NALF1: variants seen among roughly 807,000 people sequenced by gnomAD.
NALF1 encodes the protein NALCN channel auxiliary factor 1.
In NALF1, 3 loss-of-function variants were observed where a neutral mutation model predicts 48.4. The observed-to-expected ratio is 0.06, with a 90% CI of 0.03 to 0.16. The LOEUF is 0.16. NALF1 is among the 10% of genes least tolerant of loss of function. The pLI, the probability that NALF1 is intolerant of heterozygous loss-of-function variation, is 1.00. For synonymous variants in NALF1, 262 were observed against 245.7 expected, an observed-to-expected ratio of 1.07 and a Z score of -0.62; for missense variants, 526 against 571.5, an observed-to-expected ratio of 0.92 and a Z score of 0.81.
At chr13:107,318,726 A>G (rs1882197467) in intron 1 of NALF1, among the ~76,000 whole-genome samples, 1 of 152,096 alleles carries the variant, frequency 6.6e-6, no homozygotes, top group Non-Finnish European at 1.5e-5. Flanking sequence ...ATGTTCTTGT[A>G]CATGTAGGCA....
At chr13:107,782,218 T>A (rs1176791271) in intron 1 of NALF1, among the ~76,000 whole-genome samples, 6 of 152,178 alleles carry the variant, frequency 3.9e-5, no homozygotes, top group Non-Finnish European at 7.3e-5. Context: ...CACGCCTGAC[T>A]GGTTTTCGTA....
intron 1 of NALF1, among the ~76,000 whole-genome samples, chr13:107,655,884 A>G (rs766073695): frequency 6.6e-6 from 1 of 152,164 alleles, no homozygotes; most frequent in Non-Finnish European, 1.5e-5. Flanking sequence ...ATCTTCCACA[A>G]AGCAAACAAA....
chr13:107,686,227 G>A (rs2138500377), intron 1 of NALF1, among the ~76,000 whole-genome samples: 1 of 152,256 alleles, frequency 6.6e-6, no homozygotes, highest in Non-Finnish European at 1.5e-5. Context: ...GACAGCAAGT[G>A]GGTGACAGGT....
At chr13:107,860,497 G>A (rs1193173301) in intron 1 of NALF1, among the ~76,000 whole-genome samples, 1 of 152,148 alleles carries the variant, frequency 6.6e-6, no homozygotes, top group Admixed American at 6.5e-5. Flanking sequence ...CCGGCAGGAC[G>A]ATAAAATCAG....
intron 1 of NALF1, among the ~76,000 whole-genome samples, chr13:107,467,916 C>T (rs1389761217): frequency 6.6e-6 from 1 of 151,888 alleles, no homozygotes; most frequent in Non-Finnish European, 1.5e-5. Flanking sequence ...GGCGTGGTGG[C>T]GGGCGCCTGT....
intron 1 of NALF1, among the ~76,000 whole-genome samples, chr13:107,491,446 C>T (rs1428905004): frequency 1.4e-5 from 2 of 146,648 alleles, no homozygotes; most frequent in Admixed American, 6.8e-5. Context: ...AGAGTTCGGG[C>T]TCCACTCAGG....
chr13:107,738,311 G>A (rs959498494), intron 1 of NALF1, among the ~76,000 whole-genome samples: 3 of 152,118 alleles, frequency 2.0e-5, no homozygotes, highest in African/African-American at 7.2e-5. Context: ...CTGGATAAGA[G>A]GTCACCACTT....
chr13:107,837,102 G>A (rs1302041791), intron 1 of NALF1, among the ~76,000 whole-genome samples: 1 of 152,188 alleles, frequency 6.6e-6, no homozygotes, highest in Non-Finnish European at 1.5e-5. Flanking sequence ...ATACGGGCAT[G>A]CTTTCCACCA....
intron 1 of NALF1, among the ~76,000 whole-genome samples, chr13:107,798,703 C>T (rs945183618): frequency 6.6e-6 from 1 of 152,138 alleles, no homozygotes; most frequent in African/African-American, 2.4e-5. Context: ...ACAGTTTTGT[C>T]TTAAGCATTT....
chr13:107,585,263 A>T (rs1438701445), intron 1 of NALF1, among the ~76,000 whole-genome samples: 1 of 152,164 alleles, frequency 6.6e-6, no homozygotes, highest in Non-Finnish European at 1.5e-5. Context: ...AGAAATTACT[A>T]GATCACACTT....
intron 1 of NALF1, among the ~76,000 whole-genome samples, chr13:107,477,915 T>C (rs1166988476): frequency 6.6e-6 from 1 of 152,102 alleles, no homozygotes; most frequent in Non-Finnish European, 1.5e-5. Flanking sequence ...CCAGTCCTTA[T>C]AGGAGGGTAG....
At chr13:107,288,779 C>A (rs768835470) in intron 1 of NALF1, among the ~76,000 whole-genome samples, 1 of 151,892 alleles carries the variant, frequency 6.6e-6, no homozygotes, top group African/African-American at 2.4e-5. Flanking sequence ...GTGATCCACT[C>A]GCCTCGGCCT....
chr13:107,807,068 A>G (rs756838071), intron 1 of NALF1, among the ~76,000 whole-genome samples: 5 of 152,178 alleles, frequency 3.3e-5, no homozygotes, highest in Non-Finnish European at 5.9e-5. Context: ...ATGCACTTCT[A>G]AAAGTACATA....
At chr13:107,263,663 G>A (rs181436825) in intron 1 of NALF1, among the ~76,000 whole-genome samples, 117 of 152,170 alleles carry the variant, frequency 7.7e-4, no homozygotes, top group African/African-American at 2.4e-3. Flanking sequence ...CGTGTAAGAC[G>A]TGCCTTTTAC....
At chr13:107,250,113 C>T (rs756117224) in intron 1 of NALF1, among the ~76,000 whole-genome samples, 2 of 151,216 alleles carry the variant, frequency 1.3e-5, no homozygotes, top group Non-Finnish European at 2.9e-5. Flanking sequence ...CCCAAGTTCC[C>T]TAGTTAATAT....
chr13:107,281,948 T>G (rs559034184), intron 1 of NALF1, among the ~76,000 whole-genome samples: 11 of 152,286 alleles, frequency 7.2e-5, no homozygotes, highest in Non-Finnish European at 5.9e-5. Context: ...ACCTGGTCTC[T>G]CCTTTAAAAC....
intron 1 of NALF1, among the ~76,000 whole-genome samples, chr13:107,218,108 C>A (rs77265833): frequency 0.014 from 2,106 of 152,218 alleles, 23 homozygotes; most frequent in Middle Eastern, 0.031. Flanking sequence ...ACAAGCAGGT[C>A]ACTCGATGTG....
intron 1 of NALF1, among the ~76,000 whole-genome samples, chr13:107,650,871 A>G (rs575840995): frequency 2.6e-5 from 4 of 152,246 alleles, no homozygotes; most frequent in East Asian, 3.9e-4. Context: ...GGGCTAAATG[A>G]TAACAGCTTA....
At chr13:107,785,043 GGT>G (rs1359055278) in intron 1 of NALF1, among the ~76,000 whole-genome samples, 1 of 151,362 alleles carries the variant, frequency 6.6e-6, no homozygotes, top group African/African-American at 2.4e-5. Context: ...GATAAACTGT[GGT>G]GTGTGTGTAT....
Sources: gnomAD v4.1 joint callset for allele counts (sites outside exome capture counted in the v4.1 genomes callset) on GRCh38, gnomAD v4.1.1 for gene constraint, MANE v1.5 for transcripts, NCBI Gene and HGNC (gene_info 2026-07-23, HGNC 2026-07-21) for gene names.